The following ATP5MJ variants were observed in gnomAD, a reference collection of about 807,000 sequenced individuals.
ATP5MJ encodes the protein ATP synthase membrane subunit j.
A neutral mutation model predicts 8.3 loss-of-function variants in ATP5MJ; 4 were observed. The observed-to-expected ratio is 0.48, with a 90% CI of 0.24 to 1.11. ATP5MJ has a LOEUF of 1.11. Ranked by LOEUF, ATP5MJ falls within the 50% of genes least tolerant of loss-of-function variation. The pLI is 0.18. For synonymous variants in ATP5MJ, 23 were observed against 21.3 expected (o/e 1.08, Z -0.23); for missense variants, 66 against 71.8 (o/e 0.92, Z 0.29).
In ATP5MJ at chr14:103,914,000, G is replaced by GA. The variant is rs2087602884; in HGVS notation, c.125-17_125-16insT. 5 of 1,595,208 alleles carry GA rather than the reference G, an allele frequency of 3.1e-6. No individual in the cohort carries two copies. In the Admixed American group the frequency reaches 7.3e-5, roughly 23 times the overall value. ...CTTCTTTTATCTAAAATAAAAGGAAGGAAAAAAAAGCAGTCATATCAATGC... is the reference window on the plus strand; with the variant it reads ...CTTCTTTTATCTAAAATAAAAGGAAGAGAAAAAAAAGCAGTCATATCAATGC... On this transcript the variant is annotated splice_polypyrimidine_tract_variant and intron_variant, in intron 2 of 3. Coordinates refer to ENST00000286953, the MANE Select transcript of ATP5MJ (RefSeq NM_004894.3).
intron 1 of ATP5MJ, chr14:103,921,041 T>C: frequency 1.3e-6 from 2 of 1,551,606 alleles, no homozygotes; most frequent in Non-Finnish European, 1.7e-6. Flanking sequence ...ACCCAAGTTG[T>C]CATGTACAGC....
At chr14:103,914,592 G>A (rs1055233755) in intron 2 of ATP5MJ, 5 of 676,158 alleles carry the variant, frequency 7.4e-6, no homozygotes, top group Non-Finnish European at 1.4e-5. Context: ...CTTGAGCCCA[G>A]GAGTTCAAGA....
chr14:103,915,061 C>A lies in ATP5MJ; in HGVS notation c.124+5G>T, dbSNP rs140374540. Reference sequence around the variant, plus strand: ...CTCAGAAAAATCAAACATAAGGAAACGTACCAGCAGCCCGGATTTTATAAA... The same window carrying A: ...CTCAGAAAAATCAAACATAAGGAAAAGTACCAGCAGCCCGGATTTTATAAA... On this transcript the variant is annotated splice_donor_5th_base_variant and intron_variant, in intron 2 of 3. Coordinates refer to ENST00000286953, the MANE Select transcript of ATP5MJ (RefSeq NM_004894.3). 1.9e-6 allele frequency: 3 copies of A among 1,613,526 alleles called. No homozygotes were observed. The highest frequency in any genetic ancestry group is 4.5e-5 in the East Asian group (2 of 44,872).
intron 1 of ATP5MJ, among the ~76,000 whole-genome samples, chr14:103,918,699 T>C (rs1285644172): frequency 9.2e-5 from 14 of 151,988 alleles, no homozygotes; most frequent in Admixed American, 9.2e-4. Context: ...TACCTCCACC[T>C]GCCCCCAGAG....
chr14:103,921,132 G>A (rs2087675058), intron 1 of ATP5MJ: 1 of 1,166,590 alleles, frequency 8.6e-7, no homozygotes, highest in Admixed American at 2.0e-5. Context: ...AGAGTTCTTG[G>A]CTTGGACTCT....
At chr14:103,919,656 C>T (rs1175129658) in intron 1 of ATP5MJ, among the ~76,000 whole-genome samples, 1 of 152,116 alleles carries the variant, frequency 6.6e-6, no homozygotes, top group African/African-American at 2.4e-5. Context: ...ACATTGTGCT[C>T]CGGGCCCAGG....
chr14:103,913,085 C>T (rs939255293), intron 3 of ATP5MJ: 1 of 169,836 alleles, frequency 5.9e-6, no homozygotes, highest in Admixed American at 6.0e-5. Context: ...AATCCCAACA[C>T]TTTGGGAGGC....
intron 1 of ATP5MJ, among the ~76,000 whole-genome samples, chr14:103,918,293 T>A (rs2087641679): frequency 6.6e-6 from 1 of 151,984 alleles, no homozygotes; most frequent in Non-Finnish European, 1.5e-5. Flanking sequence ...AATCCTGGGC[T>A]CCAACACCAG....
chr14:103,921,146 T>A, intron 1 of ATP5MJ: 1 of 963,294 alleles, frequency 1.0e-6, no homozygotes, highest in Non-Finnish European at 1.6e-6. Context: ...GGACTCTGGC[T>A]TCTCTAACTC....
Position 103,912,451 on chromosome 14 carries a change from C to G in ATP5MJ, c.*215G>C. On this transcript the variant is annotated 3_prime_UTR_variant, in exon 4 of 4. Transcript: ENST00000286953. ...TGCGCTGCATGACAAATTATCTACTCAGAGTATGCCTGACACGCCGGAGGG... is the reference window on the plus strand; with the variant it reads ...TGCGCTGCATGACAAATTATCTACTGAGAGTATGCCTGACACGCCGGAGGG... 1.8e-6 allele frequency: 1 copy of G among 566,782 alleles called. No homozygotes were observed. Among genetic ancestry groups the G allele is most frequent in the East Asian group, 2.7e-5 (1 of 36,696 alleles). 35.1% of individuals were successfully genotyped at this position (566,782 alleles called of 1,614,324 possible).
chr14:103,919,186 C>T (rs992925853), intron 1 of ATP5MJ, among the ~76,000 whole-genome samples: 6 of 151,752 alleles, frequency 4.0e-5, no homozygotes, highest in Admixed American at 2.6e-4. Flanking sequence ...AGTTTGAGAC[C>T]AGCCTGGCTA....
chr14:103,914,858 G>GAAAAAAAAAAAAAGAAAAAAAAA (rs1314714313), intron 2 of ATP5MJ: 3 of 310,376 alleles, frequency 9.7e-6, no homozygotes, highest in East Asian at 6.4e-5. Context: ...AAAAAAAAAA[G>GAAAAAAAAAAAAAGAAAAAAAAA]AAAAGAAAAG....
In ATP5MJ at chr14:103,920,845, T is replaced by A; in HGVS notation, c.-1+625A>T. 5.4e-6 allele frequency: 5 copies of A among 927,592 alleles called. No homozygotes were observed. In the South Asian group the frequency reaches 7.0e-5, roughly 13 times the overall value. The allele number at this position is 927,592 out of a possible 1,614,324, so 57.5% of individuals were successfully genotyped here. ...GTCAGTTTTACAGCACCAGACCTTT[T>A]AAAAATCCATCTTATTCATAGGCCA... On this transcript the variant is annotated intron_variant, in intron 1 of 3. Transcript: ENST00000286953.
chr14:103,914,965 A>T, intron 2 of ATP5MJ, 101 bp downstream of exon 2: 1 of 1,477,268 alleles, frequency 6.8e-7, no homozygotes, highest in Non-Finnish European at 9.3e-7. Flanking sequence ...TAATGTTCAT[A>T]CCTAGTTAGA....
intron 2 of ATP5MJ, chr14:103,914,358 T>C (rs1393527884): frequency 1.9e-6 from 1 of 530,850 alleles, no homozygotes; most frequent in Non-Finnish European, 3.3e-6. Flanking sequence ...AAATTTCAAA[T>C]ATTCAGAACA....
At chr14:103,914,331 C>T (rs1042120632) in intron 2 of ATP5MJ, 63 of 538,694 alleles carry the variant, frequency 1.2e-4, no homozygotes, top group Middle Eastern at 8.2e-4. Flanking sequence ...TCCTCCCCTC[C>T]AAATTTTTTT....
rs1173732019 is a variant in ATP5MJ at position 103,915,172 on chromosome 14, A to G, written c.18T>C (p.Ile6=). The G allele has an allele frequency of 1.2e-6, 2 of 1,613,542 alleles. No individual in the cohort carries two copies. The highest frequency in any genetic ancestry group is 1.7e-6 in the Non-Finnish European group (2 of 1,179,602). ...GCTTCATGGGGATCCATATGTTTTTAATAATACTTTGAAGCATCTGAAAAT... is the reference window on the plus strand; with the variant it reads ...GCTTCATGGGGATCCATATGTTTTTGATAATACTTTGAAGCATCTGAAAAT... The part of the protein sequence containing the change: MLQSI[I]KNIWIPMKPY... The change falls in exon 2 of 4, where the codon ATT becomes ATC. Residue 6 remains isoleucine, a synonymous_variant. Coordinates refer to ENST00000286953, the MANE Select transcript of ATP5MJ (RefSeq NM_004894.3).
At chr14:103,921,048 C>CGTGG in intron 1 of ATP5MJ, 1 of 1,551,346 alleles carries the variant, frequency 6.4e-7, no homozygotes. Flanking sequence ...TTGTCATGTA[C>CGTGG]AGCATAACGT....
intron 1 of ATP5MJ, chr14:103,921,079 G>A (rs1412350564): frequency 1.1e-5 from 17 of 1,525,534 alleles, no homozygotes; most frequent in Non-Finnish European, 1.4e-5. Flanking sequence ...GTGGCGCAAG[G>A]AAACTTGAGT....
Sources: gnomAD v4.1 joint callset for allele counts (sites outside exome capture counted in the v4.1 genomes callset) on GRCh38, gnomAD v4.1.1 for gene constraint, MANE v1.5 for transcripts, NCBI Gene and HGNC (gene_info 2026-07-23, HGNC 2026-07-21) for gene names.